Variants in ARHGAP15 observed in about 807,000 individuals in gnomAD.
ARHGAP15 encodes rho GTPase-activating protein 15.
A neutral mutation model predicts 63.7 loss-of-function variants in ARHGAP15; 51 were observed. That is an observed-to-expected ratio of 0.80 (90% CI 0.64 to 1.01). ARHGAP15 has a LOEUF of 1.01. Among genes scored for constraint, ARHGAP15 ranks in the 50% least tolerant of loss-of-function variants. ARHGAP15 has a pLI of 0.00. For missense variants in ARHGAP15, 560 were observed against 564.6 expected, an observed-to-expected ratio of 0.99 and a Z score of 0.08; for synonymous variants, 191 against 193.8, an observed-to-expected ratio of 0.99 and a Z score of 0.12.
chr2:143,551,520 C>A (rs1695561472), intron 10 of ARHGAP15, among the ~76,000 whole-genome samples: 1 of 151,982 alleles, frequency 6.6e-6, no homozygotes, highest in African/African-American at 2.4e-5. Flanking sequence ...GTACTTAGTT[C>A]TGATTGTATA....
At chr2:143,752,116 C>T (rs960632048) in intron 13 of ARHGAP15, among the ~76,000 whole-genome samples, 1 of 152,156 alleles carries the variant, frequency 6.6e-6, no homozygotes, top group Non-Finnish European at 1.5e-5. Context: ...GCCCCTCAAC[C>T]CTGCCACTTG....
chr2:143,685,599 C>T (rs1683298295), intron 12 of ARHGAP15, among the ~76,000 whole-genome samples: 1 of 152,130 alleles, frequency 6.6e-6, no homozygotes, highest in South Asian at 2.1e-4. Flanking sequence ...CATCTGCTTC[C>T]GTGCACAAAG....
chr2:143,271,710 T>A (rs1681293984), intron 6 of ARHGAP15, among the ~76,000 whole-genome samples: 2 of 152,190 alleles, frequency 1.3e-5, no homozygotes, highest in Non-Finnish European at 2.9e-5. Flanking sequence ...GCTCCTGACC[T>A]CGTGATCCGC....
intron 8 of ARHGAP15, among the ~76,000 whole-genome samples, chr2:143,446,370 G>A (rs1468712291): frequency 1.3e-5 from 2 of 151,804 alleles, no homozygotes; most frequent in South Asian, 2.1e-4. Context: ...TAGAAATATA[G>A]CAAGAATGTA....
At chr2:143,361,751 A>G (rs1189952178) in intron 6 of ARHGAP15, among the ~76,000 whole-genome samples, 2 of 152,122 alleles carry the variant, frequency 1.3e-5, no homozygotes, top group Admixed American at 1.3e-4. Flanking sequence ...AATTTCTACC[A>G]TAGGTTCATA....
chr2:143,477,559 T>C (rs1215071671), intron 8 of ARHGAP15, among the ~76,000 whole-genome samples: 2 of 152,144 alleles, frequency 1.3e-5, no homozygotes, highest in Non-Finnish European at 2.9e-5. Flanking sequence ...ATGGATATTA[T>C]TATCCCCATC....
At chr2:143,438,259 A>G (rs1335861853) in intron 8 of ARHGAP15, among the ~76,000 whole-genome samples, 1 of 152,190 alleles carries the variant, frequency 6.6e-6, no homozygotes, top group African/African-American at 2.4e-5. Context: ...GTACATATAT[A>G]CATATATACA....
chr2:143,155,453 A>G (rs746911837), intron 1 of ARHGAP15, 24 bp from the exon 2 acceptor site: 3 of 1,544,380 alleles, frequency 1.9e-6, no homozygotes, highest in East Asian at 4.9e-5. Flanking sequence ...TTAGAATAAC[A>G]TAATACATTT....
chr2:143,307,818 TC>T (rs1683245797), intron 6 of ARHGAP15, among the ~76,000 whole-genome samples: 1 of 152,134 alleles, frequency 6.6e-6, no homozygotes, highest in South Asian at 2.1e-4. Context: ...TTTTCTTTTT[TC>T]TACGATATAA....
chr2:143,378,576 C>G (rs542435397), intron 6 of ARHGAP15, among the ~76,000 whole-genome samples: 1 of 152,162 alleles, frequency 6.6e-6, no homozygotes, highest in South Asian at 2.1e-4. Flanking sequence ...AAACAAAAAT[C>G]AATGGGAACT....
intron 6 of ARHGAP15, among the ~76,000 whole-genome samples, chr2:143,366,117 C>CG (rs1483497953): frequency 1.3e-5 from 2 of 152,068 alleles, no homozygotes; most frequent in African/African-American, 2.4e-5. Context: ...TCCTTCTCTG[C>CG]CTTGGTTATG....
intron 12 of ARHGAP15, among the ~76,000 whole-genome samples, chr2:143,650,923 G>T (rs1172728978): frequency 6.6e-6 from 1 of 151,878 alleles, no homozygotes; most frequent in Admixed American, 6.6e-5. Context: ...ACCATAGGTT[G>T]TGCATTTTTG....
In ARHGAP15 at chr2:143,613,567, A is replaced by G. The variant is rs115508513; in HGVS notation, c.1004-10566A>G. On this transcript the variant is annotated intron_variant, in intron 11 of 13. Transcript: ENST00000295095. The stretch of plus-strand genomic sequence containing the variant: ...AATCCAAATGGATTCTGATTTGCAA[A>G]CTACCAGCAGGTCTTTATAAACTTC... Among the ~76,000 whole-genome samples the G allele has an allele frequency of 4.9e-3, 748 of 152,282 alleles. 11 individuals are homozygous for G. The highest frequency in any genetic ancestry group is 0.017 in the African/African-American group (724 of 41,554).
At chr2:143,470,910 A>G (rs1335840979) in intron 8 of ARHGAP15, among the ~76,000 whole-genome samples, 2 of 150,066 alleles carry the variant, frequency 1.3e-5, no homozygotes, top group East Asian at 4.0e-4. Context: ...GTATATATAT[A>G]CACGTATGTG....
chr2:143,642,134 A>G (rs1680633381), intron 12 of ARHGAP15, among the ~76,000 whole-genome samples: 1 of 152,142 alleles, frequency 6.6e-6, no homozygotes, highest in African/African-American at 2.4e-5. Context: ...GTAAATATTT[A>G]TATGTAGAGA....
intron 13 of ARHGAP15, among the ~76,000 whole-genome samples, chr2:143,750,273 C>G (rs2030216): frequency 0.12 from 17,992 of 152,150 alleles, 1,303 homozygotes; most frequent in Admixed American, 0.22. Context: ...AACCCCATCT[C>G]TATTAAAAAT....
chr2:143,348,573 G>A (rs1685407841), intron 6 of ARHGAP15, among the ~76,000 whole-genome samples: 1 of 152,126 alleles, frequency 6.6e-6, no homozygotes, highest in Admixed American at 6.6e-5. Context: ...TGAAGTGTCA[G>A]CTTCATCTCA....
In ARHGAP15 at chr2:143,454,525, A is replaced by G. The variant is rs1158580867; in HGVS notation, c.703+17483A>G. 3.9e-5 allele frequency among the ~76,000 whole-genome samples: 6 copies of G among 152,022 alleles called. No homozygotes were observed. In the East Asian group the frequency reaches 1.2e-3, roughly 29 times the overall value. On this transcript the variant is annotated intron_variant, in intron 8 of 13. Transcript: ENST00000295095. ...GAGCTCTGATCTTCTTCCACTGAAC[A>G]GATAGAAAGGAAAGGCCTTAGACAG...
At chr2:143,646,167 T>C (rs1343976312) in intron 12 of ARHGAP15, among the ~76,000 whole-genome samples, 2 of 152,140 alleles carry the variant, frequency 1.3e-5, no homozygotes, top group South Asian at 4.2e-4. Flanking sequence ...AGCACCATAA[T>C]AAATGTATGA....
Sources: gnomAD v4.1 joint callset for allele counts (sites outside exome capture counted in the v4.1 genomes callset) on GRCh38, gnomAD v4.1.1 for gene constraint, MANE v1.5 for transcripts, NCBI Gene and HGNC (gene_info 2026-07-23, HGNC 2026-07-21) for gene names.